The following CEACAM3 variants were observed in gnomAD, a reference collection of about 807,000 sequenced individuals.
CEACAM3 encodes cell adhesion molecule CEACAM3.
A neutral mutation model predicts 30.1 loss-of-function variants in CEACAM3; 32 were observed. The ratio of observed to expected loss-of-function variants is 1.06; its 90% CI spans 0.80 to 1.43. CEACAM3 has a LOEUF of 1.43. Among genes scored for constraint, CEACAM3 ranks in the 40% most tolerant of loss-of-function variants. The probability of loss-of-function intolerance (pLI) is 0.00; values close to 1 mark genes in which losing one functional copy is unlikely to be tolerated. For missense variants in CEACAM3, 290 were observed against 316.3 expected, an observed-to-expected ratio of 0.92 and a Z score of 0.63; for synonymous variants, 134 against 127.2, an observed-to-expected ratio of 1.05 and a Z score of -0.36.
intron 2 of CEACAM3, among the ~76,000 whole-genome samples, chr19:41,802,580 G>A (rs1555826127): frequency 6.6e-6 from 1 of 152,148 alleles, no homozygotes; most frequent in East Asian, 1.9e-4. Flanking sequence ...AACACTCCAG[G>A]GGAGGGATCA....
At chr19:41,807,794 C>A (rs1342511067) in intron 2 of CEACAM3, among the ~76,000 whole-genome samples, 1 of 152,174 alleles carries the variant, frequency 6.6e-6, no homozygotes, top group African/African-American at 2.4e-5. Context: ...GCATTCCCAC[C>A]ATTTCCCCCC....
In CEACAM3 at chr19:41,796,661, A is replaced by G. The variant is rs370876160; in HGVS notation, c.-17A>G. 87 of 1,614,002 alleles carry G rather than the reference A, an allele frequency of 5.4e-5. No homozygotes were observed. The African/African-American group carries it at 8.3e-4, about 15-fold the overall frequency. ...GGCTCTTTTCCACAGAGGAGGAAAG[A>G]GCAGGCAGCAGAGACCATGGGGCCC... On this transcript the variant is annotated 5_prime_UTR_variant, in exon 1 of 7. Transcript: ENST00000357396.
At chr19:41,811,008 A>C in intron 6 of CEACAM3, 111 bp downstream of exon 6, 1 of 1,292,840 alleles carries the variant, frequency 7.7e-7, no homozygotes, top group Non-Finnish European at 1.1e-6. Flanking sequence ...TGAAAATAAG[A>C]ACGGGGGTGG....
chr19:41,808,371 A>C (rs143610796), intron 2 of CEACAM3, among the ~76,000 whole-genome samples: 1 of 152,218 alleles, frequency 6.6e-6, no homozygotes, highest in African/African-American at 2.4e-5. Context: ...TAAGGATGAG[A>C]TGAGTTGTAG....
intron 2 of CEACAM3, among the ~76,000 whole-genome samples, chr19:41,805,786 G>A (rs1261531972): frequency 6.6e-6 from 1 of 152,206 alleles, no homozygotes; most frequent in East Asian, 1.9e-4. Flanking sequence ...CAGATTGCCA[G>A]CAGCTTCATG....
chr19:41,807,039 T>C, intron 2 of CEACAM3: 1 of 1,599,482 alleles, frequency 6.3e-7, no homozygotes, highest in Non-Finnish European at 8.5e-7. Flanking sequence ...AGATGTTGAT[T>C]CTGATTAAAA....
intron 5 of CEACAM3, 74 bp downstream of exon 5, chr19:41,810,428 C>A (rs936045029): frequency 2.0e-6 from 3 of 1,469,534 alleles, no homozygotes; most frequent in African/African-American, 2.8e-5. Flanking sequence ...GGACCATCAG[C>A]CCCCCAGCAC....
rs782813240 is a variant in CEACAM3, at chr19:41,796,682, G to A, written c.5G>A (p.Gly2Glu). The A allele has an allele frequency of 4.3e-6, 7 of 1,614,058 alleles. No homozygotes were observed. Among genetic ancestry groups the A allele is most frequent in the Admixed American group, 1.7e-5 (1 of 59,996 alleles). M[G>E]PPSASPHREC... ...AAAGAGCAGGCAGCAGAGACCATGG[G>A]GCCCCCCTCAGCCTCTCCCCACAGA... is the stretch of plus-strand genomic sequence containing the variant. Residue 2 changes from glycine to glutamate, a missense_variant, in exon 1 of 7, where the codon GGG becomes GAG. Coordinates refer to ENST00000357396, the MANE Select transcript of CEACAM3 (RefSeq NM_001815.5).
rs2073236295 is a variant in CEACAM3, at chr19:41,810,031, C to T, written c.595+14C>T. 19 of 1,613,434 alleles carry T rather than the reference C, an allele frequency of 1.2e-5. No individual in the cohort carries two copies. Among genetic ancestry groups the T allele is most frequent in the East Asian group, 2.2e-5 (1 of 44,880 alleles). ...CCCTTGCCCCTGGTGAGTGTCCTCTCAGCCCAGGTGTGGCTGGGAACCCCT... is the reference window on the plus strand; with the variant it reads ...CCCTTGCCCCTGGTGAGTGTCCTCTTAGCCCAGGTGTGGCTGGGAACCCCT... On this transcript the variant is annotated intron_variant, in intron 4 of 6. Coordinates refer to ENST00000357396, the MANE Select transcript of CEACAM3 (RefSeq NM_001815.5).
chr19:41,802,213 C>T lies in CEACAM3; in HGVS notation c.424+4265C>T, dbSNP rs186828713. 2.4e-4 allele frequency among the ~76,000 whole-genome samples: 37 copies of T among 152,300 alleles called. No homozygotes were observed. The East Asian group carries it at 7.1e-3, about 29-fold the overall frequency. Reference sequence around the variant, plus strand: ...CTCATGGCTCATTTCACCCATTTCCCTCCCGACTCCACCCTCATTCAGCTA... The same window carrying T: ...CTCATGGCTCATTTCACCCATTTCCTTCCCGACTCCACCCTCATTCAGCTA... On this transcript the variant is annotated intron_variant, in intron 2 of 6. Coordinates refer to ENST00000357396, the MANE Select transcript of CEACAM3 (RefSeq NM_001815.5).
intron 4 of CEACAM3, 65 bp from the exon 5 acceptor site, chr19:41,810,258 G>C (rs964383820): frequency 2.6e-6 from 4 of 1,558,238 alleles, no homozygotes; most frequent in Non-Finnish European, 1.7e-6. Context: ...GACCCCCTAC[G>C]CCTTCCTGGA....
chr19:41,803,715 C>G (rs2073174843), intron 2 of CEACAM3, among the ~76,000 whole-genome samples: 1 of 101,904 alleles, frequency 9.8e-6, no homozygotes, highest in Admixed American at 9.9e-5. Flanking sequence ...ATCTGCCCGC[C>G]TTGGCCTCCA....
intron 2 of CEACAM3, among the ~76,000 whole-genome samples, chr19:41,802,866 T>C (rs1402278801): frequency 6.6e-6 from 1 of 152,200 alleles, no homozygotes; most frequent in Non-Finnish European, 1.5e-5. Flanking sequence ...GTAGCCATCA[T>C]GTCCCACCTA....
chr19:41,806,347 C>T (rs10416824), intron 2 of CEACAM3, among the ~76,000 whole-genome samples: 81,004 of 151,790 alleles, frequency 0.53, 22,960 homozygotes, highest in Middle Eastern at 0.74. Context: ...ATACCTTTTA[C>T]TGACTCACTG....
chr19:41,800,608 C>T (rs2122995953), intron 2 of CEACAM3, among the ~76,000 whole-genome samples: 1 of 152,252 alleles, frequency 6.6e-6, no homozygotes, highest in African/African-American at 2.4e-5. Context: ...TTCTAGATAG[C>T]AGTAGTAAAT....
In CEACAM3 at chr19:41,796,749, G is replaced by A; in HGVS notation, c.64+8G>A. On this transcript the variant is annotated splice_region_variant and intron_variant, in intron 1 of 6. Transcript: ENST00000357396. ...AGGGGCTTCTGCTCACAGGTGAGTG[G>A]AGGATTCCTGGGAGTGGGCAAGAGG... The A allele has an allele frequency of 6.2e-7, 1 of 1,610,782 alleles. No individual in the cohort carries two copies. The highest frequency in any genetic ancestry group is 8.5e-7 in the Non-Finnish European group (1 of 1,178,456).
At chr19:41,796,889 A>T in intron 1 of CEACAM3, 148 bp downstream of exon 1, 1 of 762,438 alleles carries the variant, frequency 1.3e-6, no homozygotes, top group Non-Finnish European at 2.1e-6. Flanking sequence ...ACGGGTCACA[A>T]CAAGACAATC....
chr19:41,810,514 A>T (rs2073240816), intron 5 of CEACAM3, among the ~76,000 whole-genome samples, 160 bp downstream of exon 5: 1 of 151,824 alleles, frequency 6.6e-6, no homozygotes, highest in Admixed American at 6.6e-5. Context: ...GCCTCCCTAC[A>T]GGGTCAGGAC....
chr19:41,796,763 G>T (rs782024233), intron 1 of CEACAM3, 22 bp downstream of exon 1: 1 of 1,605,848 alleles, frequency 6.2e-7, no homozygotes, highest in South Asian at 1.1e-5. Context: ...ATTCCTGGGA[G>T]TGGGCAAGAG....
Sources: gnomAD v4.1 joint callset for allele counts (sites outside exome capture counted in the v4.1 genomes callset) on GRCh38, gnomAD v4.1.1 for gene constraint, MANE v1.5 for transcripts, NCBI Gene and HGNC (gene_info 2026-07-23, HGNC 2026-07-21) for gene names.